The following BAIAP2L1 variants were observed in gnomAD, a reference collection of about 807,000 sequenced individuals.
The protein encoded by BAIAP2L1 is BAR/IMD domain containing adaptor protein 2 like 1.
BAIAP2L1 carries 35 observed loss-of-function variants against 66.3 expected under a neutral mutation model. The ratio of observed to expected loss-of-function variants is 0.53; its 90% CI spans 0.40 to 0.70. BAIAP2L1 has a LOEUF of 0.70. Ranked by LOEUF, BAIAP2L1 falls within the 30% of genes least tolerant of loss-of-function variation. The probability of loss-of-function intolerance (pLI) is 0.00; values close to 1 mark genes in which losing one functional copy is unlikely to be tolerated. For synonymous variants in BAIAP2L1, 269 were observed against 248.7 expected, an observed-to-expected ratio of 1.08 and a Z score of -0.77; for missense variants, 622 against 656.9, an observed-to-expected ratio of 0.95 and a Z score of 0.58.
At chr7:98,353,340 AATATATTT>A (rs1355012935) in intron 3 of BAIAP2L1, among the ~76,000 whole-genome samples, 10 of 137,252 alleles carry the variant, frequency 7.3e-5, no homozygotes, top group African/African-American at 1.4e-4. Flanking sequence ...TAAATATATA[AATATATTT>A]ATATATTTAT....
chr7:98,322,856 C>A (rs1801287710), intron 3 of BAIAP2L1: 1 of 152,276 alleles, frequency 6.6e-6, no homozygotes, highest in South Asian at 2.1e-4. Context: ...CCTGCTCCCG[C>A]CATGGTGTTC....
chr7:98,389,233 G>C (rs182311892), intron 1 of BAIAP2L1, among the ~76,000 whole-genome samples: 1 of 152,090 alleles, frequency 6.6e-6, no homozygotes, highest in Non-Finnish European at 1.5e-5. Flanking sequence ...TGGGGCTGCT[G>C]GATTAGGGTA....
intron 2 of BAIAP2L1, among the ~76,000 whole-genome samples, chr7:98,362,028 A>G (rs1490715198): frequency 6.6e-6 from 1 of 152,210 alleles, no homozygotes; most frequent in African/African-American, 2.4e-5. Flanking sequence ...AAGGAGAATA[A>G]TTTCTGTGCT....
chr7:98,306,833 A>G, intron 10 of BAIAP2L1: 1 of 360,488 alleles, frequency 2.8e-6, no homozygotes, highest in Admixed American at 4.2e-5. Flanking sequence ...TCAGCATCCG[A>G]GTAGCTGTGA....
chr7:98,369,977 C>G (rs1802473162), intron 1 of BAIAP2L1, among the ~76,000 whole-genome samples: 1 of 152,004 alleles, frequency 6.6e-6, no homozygotes, highest in African/African-American at 2.4e-5. Flanking sequence ...CAACCAATTT[C>G]CTGATATAAT....
intron 3 of BAIAP2L1, among the ~76,000 whole-genome samples, chr7:98,341,683 C>T (rs547688376): frequency 2.9e-4 from 44 of 152,120 alleles, no homozygotes; most frequent in Non-Finnish European, 4.4e-4. Flanking sequence ...TCAGTCTCCT[C>T]ATCTATAAAA....
chr7:98,336,793 T>C (rs1350553859), intron 3 of BAIAP2L1, among the ~76,000 whole-genome samples: 1 of 152,148 alleles, frequency 6.6e-6, no homozygotes, highest in African/African-American at 2.4e-5. Flanking sequence ...TACAAGGTTT[T>C]AGAAGGGGTG....
chr7:98,365,075 C>A (rs1301688036), intron 1 of BAIAP2L1, among the ~76,000 whole-genome samples: 1 of 136,420 alleles, frequency 7.3e-6, no homozygotes, highest in Non-Finnish European at 1.5e-5. Flanking sequence ...GCTGCCATTT[C>A]TTCCTATGTG....
chr7:98,334,882 G>A (rs988184002), intron 3 of BAIAP2L1, among the ~76,000 whole-genome samples: 4 of 144,354 alleles, frequency 2.8e-5, no homozygotes, highest in African/African-American at 7.5e-5. Context: ...GGGCGTGGTG[G>A]CTCACGCCTG....
At position 98,292,061 on chromosome 7, in the gene BAIAP2L1, G is replaced by GC. The variant is rs1291527200; in HGVS notation, c.*1459dup. 6.5e-6 allele frequency: 1 copy of GC among 153,498 alleles called. No individual in the cohort carries two copies. The highest frequency in any genetic ancestry group is 1.4e-5 in the Non-Finnish European group (1 of 68,978). 9.5% of individuals were successfully genotyped at this position (153,498 alleles called of 1,614,324 possible). A position where few individuals can be genotyped will look rare whatever the true frequency, so the allele number is the denominator to read the frequency against. On this transcript the variant is annotated 3_prime_UTR_variant, in exon 14 of 14. Coordinates refer to ENST00000005260, the MANE Select transcript of BAIAP2L1 (RefSeq NM_018842.5). ...CCTGCAGCCCCTTCATGGTGGGGGT[G>GC]CCTGGTTTGTCCTCCCAGGAGAAGC... is the stretch of plus-strand genomic sequence containing the variant.
intron 1 of BAIAP2L1, among the ~76,000 whole-genome samples, chr7:98,388,036 G>A (rs1802938909): frequency 6.6e-6 from 1 of 152,096 alleles, no homozygotes; most frequent in Admixed American, 6.6e-5. Context: ...TAAGGAGGCA[G>A]GTAATAAACA....
chr7:98,366,590 G>C (rs563410787), intron 1 of BAIAP2L1, among the ~76,000 whole-genome samples: 1 of 152,152 alleles, frequency 6.6e-6, no homozygotes, highest in Non-Finnish European at 1.5e-5. Flanking sequence ...TTGCACTGTG[G>C]ATTTATTGGG....
At chr7:98,378,508 TG>T (rs905865253) in intron 1 of BAIAP2L1, among the ~76,000 whole-genome samples, 1 of 152,194 alleles carries the variant, frequency 6.6e-6, no homozygotes, top group African/African-American at 2.4e-5. Flanking sequence ...CTTCCACAAA[TG>T]GTGGCAACCC....
intron 3 of BAIAP2L1, among the ~76,000 whole-genome samples, chr7:98,332,859 A>C (rs962613420): frequency 4.7e-5 from 7 of 149,324 alleles, no homozygotes; most frequent in Admixed American, 2.0e-4. Context: ...CTCAGTTGAC[A>C]ACCTCCAGAA....
At position 98,375,331 on chromosome 7, in the gene BAIAP2L1, T is replaced by C. The variant is rs551227074; in HGVS notation, c.52-12899A>G. Among the ~76,000 whole-genome samples the C allele has an allele frequency of 6.6e-5, 10 of 150,686 alleles. No individual in the cohort carries two copies. The South Asian group carries it at 2.1e-3, about 32-fold the overall frequency. On this transcript the variant is annotated intron_variant, in intron 1 of 13. Transcript: ENST00000005260. ...ATCACTTGAACCTGGGAGGCGGAGG[T>C]TGCAGTGAGCCGACATCCGGCCACT...
chr7:98,342,759 G>C (rs1801774429), intron 3 of BAIAP2L1, among the ~76,000 whole-genome samples: 1 of 152,010 alleles, frequency 6.6e-6, no homozygotes, highest in Non-Finnish European at 1.5e-5. Flanking sequence ...CTGACTCAAA[G>C]GTTCTTCTAA....
Position 98,375,620 on chromosome 7 carries a change from G to C in BAIAP2L1, c.52-13188C>G, listed in dbSNP as rs1244835934. Among the ~76,000 whole-genome samples, 3 of 151,120 alleles carry C rather than the reference G, an allele frequency of 2.0e-5. No individual in the cohort carries two copies. The East Asian group carries it at 5.8e-4, about 29-fold the overall frequency. On this transcript the variant is annotated intron_variant, in intron 1 of 13. Coordinates refer to ENST00000005260, the MANE Select transcript of BAIAP2L1 (RefSeq NM_018842.5). ...TAAAATTAGCCAGGCATGGTGGCAG[G>C]CACCTATAATCTCAGCTACTCGGGA...
At chr7:98,296,565 G>C (rs1054684580) in intron 12 of BAIAP2L1, among the ~76,000 whole-genome samples, 1 of 152,118 alleles carries the variant, frequency 6.6e-6, no homozygotes, top group African/African-American at 2.4e-5. Flanking sequence ...CAGAGGTTGT[G>C]GTGAGCTGAG....
At chr7:98,336,903 T>C (rs979622811) in intron 3 of BAIAP2L1, among the ~76,000 whole-genome samples, 14 of 152,192 alleles carry the variant, frequency 9.2e-5, no homozygotes, top group African/African-American at 3.4e-4. Flanking sequence ...CCAGCTTTGC[T>C]CCTTACCTGT....
Sources: gnomAD v4.1 joint callset for allele counts (sites outside exome capture counted in the v4.1 genomes callset) on GRCh38, gnomAD v4.1.1 for gene constraint, MANE v1.5 for transcripts, NCBI Gene and HGNC (gene_info 2026-07-23, HGNC 2026-07-21) for gene names.